RBM26: variants seen among roughly 807,000 people sequenced by gnomAD.
The protein encoded by RBM26 is RNA-binding protein 26.
In RBM26, 30 loss-of-function variants were observed where a neutral mutation model predicts 123.6. The observed-to-expected ratio is 0.24, with a 90% CI of 0.18 to 0.33. RBM26 has a LOEUF of 0.33. Among genes scored for constraint, RBM26 ranks in the 10% least tolerant of loss-of-function variants. RBM26 has a pLI of 1.00. For missense variants in RBM26, 947 were observed against 1,203.6 expected (o/e 0.79, Z 3.15); for synonymous variants, 400 against 404.4 (o/e 0.99, Z 0.13).
intron 1 of RBM26, among the ~76,000 whole-genome samples, chr13:79,388,451 C>T (rs7994370): frequency 0.028 from 4,338 of 152,316 alleles, 169 homozygotes; most frequent in African/African-American, 0.085. Context: ...ACCTTCCCCA[C>T]ATCTCATAAT....
chr13:79,361,134 C>T (rs975725681), intron 9 of RBM26, among the ~76,000 whole-genome samples: 1 of 152,070 alleles, frequency 6.6e-6, no homozygotes, highest in African/African-American at 2.4e-5. Flanking sequence ...AAATTATTTT[C>T]ATATTAAGTC....
chr13:79,355,400 T>C lies in RBM26; in HGVS notation c.1690-16A>G. On this transcript the variant is annotated splice_polypyrimidine_tract_variant and intron_variant, in intron 11 of 21. Coordinates refer to ENST00000438737, the MANE Select transcript of RBM26 (RefSeq NM_001366735.2). Reference sequence around the variant, plus strand: ...TATAAGCAACCTAAGATTTAAAATATTAAGAACAGTGAATTTCCAAAGGAA... The same window carrying C: ...TATAAGCAACCTAAGATTTAAAATACTAAGAACAGTGAATTTCCAAAGGAA... 6.2e-7 allele frequency: 1 copy of C among 1,603,810 alleles called. No homozygotes were observed. The highest frequency in any genetic ancestry group is 8.5e-7 in the Non-Finnish European group (1 of 1,173,582).
intron 13 of RBM26, among the ~76,000 whole-genome samples, chr13:79,353,760 G>GCTA (rs2073602859): frequency 6.6e-6 from 1 of 152,134 alleles, no homozygotes; most frequent in South Asian, 2.1e-4. Context: ...GCATCCACTA[G>GCTA]CTAAGTAGGA....
At chr13:79,386,453 G>A (rs1215448313) in intron 1 of RBM26, among the ~76,000 whole-genome samples, 4 of 149,334 alleles carry the variant, frequency 2.7e-5, no homozygotes, top group Non-Finnish European at 5.9e-5. Flanking sequence ...AAGTGTCAAA[G>A]ACCCAATAGT....
Position 79,355,290 on chromosome 13 carries a change from T to C in RBM26, c.1784A>G (p.Asn595Ser), listed in dbSNP as rs750875493. 1.2e-6 allele frequency: 2 copies of C among 1,614,020 alleles called. No individual in the cohort carries two copies. The highest frequency in any genetic ancestry group is 2.2e-5 in the South Asian group (2 of 91,072). The change falls in exon 12 of 22, where the codon AAC becomes AGC. Residue 595 changes from asparagine to serine, a missense_variant. Transcript: ENST00000438737. Reference sequence around the variant, plus strand: ...CCAATAAACCTTAATAAAGCGATTGTTTAATACTGCTTCCGTACTTGATAT... The same window carrying C: ...CCAATAAACCTTAATAAAGCGATTGCTTAATACTGCTTCCGTACTTGATAT... ...KAISSTEAVL[N>S]NRFIKVYWHR...
chr13:79,384,673 G>A (rs2077340048), intron 1 of RBM26, among the ~76,000 whole-genome samples: 1 of 152,072 alleles, frequency 6.6e-6, no homozygotes. Flanking sequence ...TATCTGGGGT[G>A]GAGAGGGAAG....
rs749856985 is a variant in RBM26 at position 79,319,893 on chromosome 13, TTTTTC to T, written c.*723_*727del. 1.7e-5 allele frequency: 16 copies of T among 968,694 alleles called. No homozygotes were observed. The highest frequency in any genetic ancestry group is 1.4e-4 in the South Asian group (3 of 20,984). The allele number at this position is 968,694 out of a possible 1,614,324, so 60.0% of individuals were successfully genotyped here. A position where few individuals can be genotyped will look rare whatever the true frequency, so the allele number is the denominator to read the frequency against. ...CCATCTGGAATGGTCTATTTTAATTTTTTTCTTTTCTTTTTTCTTTTCTTTTTTTT... is the reference window on the plus strand; with the variant it reads ...CCATCTGGAATGGTCTATTTTAATTTTTTTCTTTTTTCTTTTCTTTTTTTT... On this transcript the variant is annotated 3_prime_UTR_variant, in exon 22 of 22. Coordinates refer to ENST00000438737, the MANE Select transcript of RBM26 (RefSeq NM_001366735.2).
chr13:79,351,276 G>C (rs888595359), intron 14 of RBM26, among the ~76,000 whole-genome samples: 1 of 152,114 alleles, frequency 6.6e-6, no homozygotes, highest in Non-Finnish European at 1.5e-5. Context: ...GCTGAACTTA[G>C]TGTTAAATTT....
chr13:79,383,927 T>A (rs1172455205), intron 1 of RBM26, among the ~76,000 whole-genome samples: 1 of 152,166 alleles, frequency 6.6e-6, no homozygotes, highest in African/African-American at 2.4e-5. Flanking sequence ...GCAAATATGC[T>A]TTATGGCTAT....
intron 1 of RBM26, among the ~76,000 whole-genome samples, chr13:79,393,172 T>C (rs2078252748): frequency 6.6e-6 from 1 of 151,526 alleles, no homozygotes; most frequent in East Asian, 1.9e-4. Flanking sequence ...GTGAAACCCC[T>C]CTGAGGCATT....
At chr13:79,365,421 C>T (rs1157231685) in intron 9 of RBM26, among the ~76,000 whole-genome samples, 157 bp downstream of exon 9, 4 of 152,094 alleles carry the variant, frequency 2.6e-5, no homozygotes, top group Non-Finnish European at 5.9e-5. Context: ...CCAGCCTAGG[C>T]CACAGAGTGA....
intron 14 of RBM26, among the ~76,000 whole-genome samples, chr13:79,348,956 G>A (rs2072763951): frequency 6.6e-6 from 1 of 152,160 alleles, no homozygotes; most frequent in Non-Finnish European, 1.5e-5. Context: ...AAACTGTATA[G>A]AGATGTCCCT....
intron 1 of RBM26, among the ~76,000 whole-genome samples, chr13:79,401,948 G>A (rs1035667419): frequency 6.6e-6 from 1 of 151,272 alleles, no homozygotes; most frequent in African/African-American, 2.4e-5. Context: ...ACCTCAGTAC[G>A]TCATTACATC....
chr13:79,378,034 G>T (rs2076789615), intron 2 of RBM26, among the ~76,000 whole-genome samples: 1 of 152,318 alleles, frequency 6.6e-6, no homozygotes, highest in Non-Finnish European at 1.5e-5. Context: ...CTATTTTCAA[G>T]ACGGTAGGGA....
chr13:79,358,485 C>A (rs752976112), intron 10 of RBM26, 52 bp from the exon 11 acceptor site: 2 of 1,359,388 alleles, frequency 1.5e-6, no homozygotes, highest in Non-Finnish European at 2.0e-6. Context: ...TGACCCTAAC[C>A]AAATACAAGG....
chr13:79,321,967 T>C (rs148449537), intron 21 of RBM26, among the ~76,000 whole-genome samples: 80 of 151,590 alleles, frequency 5.3e-4, no homozygotes, highest in African/African-American at 1.8e-3. Flanking sequence ...CAGGCATTCA[T>C]TCTAATGACT....
At chr13:79,340,117 A>G (rs1447267971) in intron 18 of RBM26, among the ~76,000 whole-genome samples, 1 of 151,956 alleles carries the variant, frequency 6.6e-6, no homozygotes, top group Non-Finnish European at 1.5e-5. Flanking sequence ...CTACAATGGG[A>G]AAAACACAAT....
Position 79,406,210 on chromosome 13 carries a change from C to G in RBM26, c.-436G>C, listed in dbSNP as rs2079507884. 1 of 153,666 alleles carries G rather than the reference C, an allele frequency of 6.5e-6. No homozygotes were observed. Among genetic ancestry groups the G allele is most frequent in the South Asian group, 2.1e-4 (1 of 4,842 alleles). The allele number at this position is 153,666 out of a possible 1,614,324, so 9.5% of individuals were successfully genotyped here. A position where few individuals can be genotyped will look rare whatever the true frequency, so the allele number is the denominator to read the frequency against. On this transcript the variant is annotated 5_prime_UTR_variant, in exon 1 of 22. Transcript: ENST00000438737. ...AACGATTCAGGGGGTCTTCCCGGCTCCCAGCACCCCCAAGAAGATGGCTGC... is the reference window on the plus strand; with the variant it reads ...AACGATTCAGGGGGTCTTCCCGGCTGCCAGCACCCCCAAGAAGATGGCTGC...
chr13:79,325,157 G>A (rs2068188309), intron 20 of RBM26, among the ~76,000 whole-genome samples: 1 of 152,058 alleles, frequency 6.6e-6, no homozygotes. Flanking sequence ...ATTATGTACA[G>A]CATAATACTT....
Sources: allele counts gnomAD v4.1 joint callset (sites outside exome capture counted in the v4.1 genomes callset), GRCh38; gene constraint gnomAD v4.1.1; transcripts MANE v1.5; gene names NCBI Gene and HGNC (gene_info 2026-07-23, HGNC 2026-07-21).